NRXN1: variants seen among roughly 807,000 people sequenced by gnomAD.
NRXN1 encodes neurexin 1.
Under a neutral mutation model 150.9 loss-of-function variants are expected in NRXN1, and 39 were observed. The ratio of observed to expected loss-of-function variants is 0.26; its 90% CI spans 0.20 to 0.34. The LOEUF is 0.34. Among genes scored for constraint, NRXN1 ranks in the 10% least tolerant of loss-of-function variants. The pLI, the probability that NRXN1 is intolerant of heterozygous loss-of-function variation, is 1.00. For synonymous variants in NRXN1, 924 were observed against 757.0 expected, an observed-to-expected ratio of 1.22 and a Z score of -3.62; for missense variants, 1,815 against 1,949.9, an observed-to-expected ratio of 0.93 and a Z score of 1.30.
chr2:50,387,995 A>T (rs1260734211), intron 17 of NRXN1, among the ~76,000 whole-genome samples: 1 of 152,180 alleles, frequency 6.6e-6, no homozygotes, highest in Non-Finnish European at 1.5e-5. Flanking sequence ...AAATTTCTCA[A>T]CTGATTTTGA....
intron 18 of NRXN1, among the ~76,000 whole-genome samples, chr2:50,190,801 G>A (rs999316998): frequency 3.3e-5 from 5 of 151,374 alleles, no homozygotes; most frequent in African/African-American, 9.7e-5. Flanking sequence ...TAGTAGAGAC[G>A]GGGTTTTTTC....
intron 5 of NRXN1, among the ~76,000 whole-genome samples, chr2:50,853,635 A>C (rs1402996130): frequency 6.6e-6 from 1 of 152,144 alleles, no homozygotes; most frequent in Non-Finnish European, 1.5e-5. Flanking sequence ...CTCTGAGCTT[A>C]AAGAAGAAAT....
At chr2:50,155,484 A>G (rs535250230) in intron 18 of NRXN1, among the ~76,000 whole-genome samples, 1 of 151,716 alleles carries the variant, frequency 6.6e-6, no homozygotes, top group South Asian at 2.1e-4. Context: ...TACAATGCTG[A>G]CAAATGTATA....
intron 2 of NRXN1, among the ~76,000 whole-genome samples, chr2:50,989,390 A>G (rs1355720694): frequency 6.6e-6 from 1 of 151,956 alleles, no homozygotes; most frequent in Admixed American, 6.6e-5. Flanking sequence ...ATGAATCTTG[A>G]CAAACACTTA....
intron 18 of NRXN1, among the ~76,000 whole-genome samples, chr2:50,174,256 C>T (rs560378606): frequency 1.3e-5 from 2 of 152,214 alleles, no homozygotes; most frequent in South Asian, 4.1e-4. Context: ...ACAAGACGAT[C>T]TCTATCAGAC....
chr2:50,175,311 C>A (rs2060288289), intron 18 of NRXN1: 1 of 152,158 alleles, frequency 6.6e-6, no homozygotes, highest in Non-Finnish European at 1.5e-5. Context: ...TACATCTGCA[C>A]AAACCATAAG....
At chr2:50,962,247 G>A (rs554391224) in intron 2 of NRXN1, among the ~76,000 whole-genome samples, 53 of 151,740 alleles carry the variant, frequency 3.5e-4, no homozygotes, top group South Asian at 1.5e-3. Flanking sequence ...AACAAAAGGC[G>A]CCTCTCCCTT....
At chr2:50,232,830 TAAC>T (rs1461918462) in intron 18 of NRXN1, among the ~76,000 whole-genome samples, 2 of 152,202 alleles carry the variant, frequency 1.3e-5, no homozygotes, top group East Asian at 3.9e-4. Context: ...AGGCAATTAT[TAAC>T]AAAAAATAAA....
chr2:51,026,874 A>G (rs1670570775), intron 2 of NRXN1, among the ~76,000 whole-genome samples: 2 of 152,222 alleles, frequency 1.3e-5, no homozygotes, highest in African/African-American at 2.4e-5. Flanking sequence ...CCTCCTGCTA[A>G]TGAAGAAACG....
intron 2 of NRXN1, among the ~76,000 whole-genome samples, chr2:50,988,626 G>A (rs1420641369): frequency 1.3e-5 from 2 of 151,862 alleles, no homozygotes; most frequent in Admixed American, 6.6e-5. Context: ...CTAAATCAAT[G>A]CAACCATGTG....
intron 5 of NRXN1, among the ~76,000 whole-genome samples, chr2:50,624,410 C>T (rs201066469): frequency 2.5e-4 from 38 of 152,128 alleles, no homozygotes; most frequent in African/African-American, 8.7e-4. Context: ...ACAATGGATT[C>T]CAAGATGTTT....
chr2:50,781,491 T>C (rs143928481), intron 5 of NRXN1, among the ~76,000 whole-genome samples: 2 of 152,134 alleles, frequency 1.3e-5, no homozygotes, highest in Admixed American at 6.5e-5. Context: ...AAAGATTTTG[T>C]GAAGGAAGGA....
rs761279630 is a variant in NRXN1 at position 50,538,612 on chromosome 2, C to T, written c.1784G>A (p.Arg595His). The T allele has an allele frequency of 8.0e-6, 12 of 1,498,704 alleles. No individual in the cohort carries two copies. Among genetic ancestry groups the T allele is most frequent in the East Asian group, 4.6e-5 (2 of 43,576 alleles). The allele number at this position is 1,498,704 out of a possible 1,614,324, so 92.8% of individuals were successfully genotyped here. Residue 595 changes from arginine to histidine, a missense_variant, in exon 10 of 23, where the codon CGT becomes CAT. Around this residue, in one of 6 missense-constraint regions of NRXN1, gnomAD observed 638 missense variants for 652.6 expected, o/e 0.98. Transcript: ENST00000401669. Reference protein sequence around the residue: ...RSGTISVNTLRTPYTAPGESE... With the variant: ...RSGTISVNTLHTPYTAPGESE... Reference sequence around the variant, plus strand: ...CTCACCAGGAGCAGTGTAGGGAGTACGCAACGTGTTGACAGAAATGGTACC... The same window carrying T: ...CTCACCAGGAGCAGTGTAGGGAGTATGCAACGTGTTGACAGAAATGGTACC...
At chr2:50,411,770 A>T (rs2083199559) in intron 17 of NRXN1, among the ~76,000 whole-genome samples, 1 of 151,976 alleles carries the variant, frequency 6.6e-6, no homozygotes, top group African/African-American at 2.4e-5. Context: ...CCCATCTGGG[A>T]AGTGAGGAGC....
chr2:50,549,858 T>A (rs1247317327), intron 9 of NRXN1, among the ~76,000 whole-genome samples: 1 of 152,160 alleles, frequency 6.6e-6, no homozygotes, highest in Non-Finnish European at 1.5e-5. Context: ...TTGTTCTCTG[T>A]GAGTATGTGT....
At chr2:51,024,710 T>A (rs1670157036) in intron 2 of NRXN1, among the ~76,000 whole-genome samples, 1 of 152,110 alleles carries the variant, frequency 6.6e-6, no homozygotes, top group African/African-American at 2.4e-5. Flanking sequence ...TAGTCTTACT[T>A]TTTAGTAGTT....
At chr2:50,678,778 T>C (rs1435719155) in intron 5 of NRXN1, among the ~76,000 whole-genome samples, 2 of 152,006 alleles carry the variant, frequency 1.3e-5, no homozygotes, top group Non-Finnish European at 2.9e-5. Context: ...ATGAGGATGA[T>C]AAATGGGAGA....
chr2:50,351,806 TC>T lies in NRXN1; in HGVS notation c.3364+113635del, dbSNP rs11339289. On this transcript the variant is annotated intron_variant, in intron 17 of 22. Transcript: ENST00000401669. ...CTGAGAGATGGTGAGGTGGGTGCTGTCGTTGAAATACTGTCATATTTGCTTC... is the reference window on the plus strand; with the variant it reads ...CTGAGAGATGGTGAGGTGGGTGCTGTGTTGAAATACTGTCATATTTGCTTC... Among the ~76,000 whole-genome samples, 16 of 152,312 alleles carry T rather than the reference TC, an allele frequency of 1.1e-4. 1 individual carries two copies. The highest frequency in any genetic ancestry group is 3.8e-4 in the African/African-American group (16 of 41,578).
At chr2:49,994,858 C>G (rs1200465301) in intron 21 of NRXN1, among the ~76,000 whole-genome samples, 1 of 152,202 alleles carries the variant, frequency 6.6e-6, no homozygotes, top group Non-Finnish European at 1.5e-5. Flanking sequence ...TAGTTTTCTT[C>G]CACTTTGCTC....
Sources: gnomAD v4.1 joint callset for allele counts (sites outside exome capture counted in the v4.1 genomes callset) on GRCh38, gnomAD v4.1.1 for gene constraint, gnomAD v4.1.1 regional missense constraint, MANE v1.5 for transcripts, NCBI Gene and HGNC (gene_info 2026-07-23, HGNC 2026-07-21) for gene names.